TKFC: variants seen among roughly 807,000 people sequenced by gnomAD.
TKFC encodes triokinase/FMN cyclase.
TKFC carries 46 observed loss-of-function variants against 61.0 expected under a neutral mutation model. That is an observed-to-expected ratio of 0.75 (90% CI 0.60 to 0.96). The LOEUF (loss-of-function observed/expected upper bound fraction) is 0.96, where lower values mean the gene tolerates loss of function less well. Ranked by LOEUF, TKFC falls within the 50% of genes least tolerant of loss-of-function variation. TKFC has a pLI of 0.00. For synonymous variants in TKFC, 314 were observed against 330.1 expected, an observed-to-expected ratio of 0.95 and a Z score of 0.53; for missense variants, 715 against 777.5, an observed-to-expected ratio of 0.92 and a Z score of 0.96.
Position 61,345,830 on chromosome 11 carries a change from C to T in TKFC, c.1486-27C>T, listed in dbSNP as rs751680058. 11 of 1,614,152 alleles carry T rather than the reference C, an allele frequency of 6.8e-6. No homozygotes were observed. The South Asian group carries it at 1.2e-4, about 18-fold the overall frequency. On this transcript the variant is annotated intron_variant, in intron 16 of 17. Coordinates refer to ENST00000394900, the MANE Select transcript of TKFC (RefSeq NM_015533.4). Reference sequence around the variant, plus strand: ...CACCCTCGGTTGCAGGGCCCGTGCTCAGCCCCCTTTCCTTCACCTTGTCCA... The same window carrying T: ...CACCCTCGGTTGCAGGGCCCGTGCTTAGCCCCCTTTCCTTCACCTTGTCCA...
At chr11:61,337,610 G>A (rs1856665339) in intron 2 of TKFC, among the ~76,000 whole-genome samples, 1 of 152,216 alleles carries the variant, frequency 6.6e-6, no homozygotes, top group Non-Finnish European at 1.5e-5. Context: ...CCTTTTGACA[G>A]AAGAAGGTGT....
Position 61,345,732 on chromosome 11 carries a change from G to T in TKFC, c.1472G>T (p.Gly491Val). ...AMQKYGKAAP[G>V]DRTMLDSLWA... is the part of the protein sequence containing the mutation. ...GCCAGGTATGGCAAGGCTGCTCCAG[G>T]GGACAGGACTATGGTATGTACTCAG... Residue 491 changes from glycine (G) to valine (V), a missense_variant, in exon 16 of 18, where the codon GGG becomes GTG. By Grantham distance (109) the Gly-to-Val change is moderately radical. Transcript: ENST00000394900. 1.9e-6 allele frequency: 3 copies of T among 1,614,260 alleles called. No individual in the cohort carries two copies. The highest frequency in any genetic ancestry group is 2.5e-6 in the Non-Finnish European group (3 of 1,180,056).
chr11:61,344,318 T>C, intron 13 of TKFC, 45 bp downstream of exon 13: 1 of 1,577,268 alleles, frequency 6.3e-7, no homozygotes, highest in South Asian at 1.1e-5. Flanking sequence ...CACAAAACCT[T>C]AGCCCCCCTT....
At chr11:61,350,636 C>T (rs535485276), downstream of TKFC, 27 of 626,250 alleles carry the variant, frequency 4.3e-5, no homozygotes, top group South Asian at 5.0e-4. Flanking sequence ...TCACCAGGCA[C>T]CCATCCCACT....
Position 61,341,468 on chromosome 11 carries a change from GC to G in TKFC, c.520del (p.Leu174TrpfsTer8). The G allele has an allele frequency of 6.4e-7, 1 of 1,555,050 alleles. No individual in the cohort carries two copies. The highest frequency in any genetic ancestry group is 8.7e-7 in the Non-Finnish European group (1 of 1,148,654). On this transcript the variant is annotated frameshift_variant, in exon 6 of 18. Coordinates refer to ENST00000394900, the MANE Select transcript of TKFC (RefSeq NM_015533.4). LOFTEE classifies it high-confidence loss of function. ...AGALAEAGVG[L>X]EEIAKQVNVV... The stretch of plus-strand genomic sequence containing the variant: ...GTGCTCTGGCTGAGGCTGGTGTGGG[GC>G]TGGAGGAGATCGCAAAGCAGGTGAA...
chr11:61,341,607 TC>T (rs936982343), intron 6 of TKFC, 93 bp downstream of exon 6: 7 of 1,416,122 alleles, frequency 4.9e-6, no homozygotes, highest in Admixed American at 2.0e-5. Context: ...CTAGCGGTGC[TC>T]CCCAGGTTAT....
In TKFC at chr11:61,341,435, G is replaced by C; in HGVS notation, c.487-1G>C. The C allele has an allele frequency of 1.9e-6, 3 of 1,553,180 alleles. No individual in the cohort carries two copies. The highest frequency in any genetic ancestry group is 2.6e-6 in the Non-Finnish European group (3 of 1,147,718). On this transcript the variant is annotated splice_acceptor_variant, in intron 5 of 17. Coordinates refer to ENST00000394900, the MANE Select transcript of TKFC (RefSeq NM_015533.4). LOFTEE classifies it high-confidence loss of function. ...GGGCTTTTACCTCTTTGTGGCTGCA[G>C]GTGGCAGGTGCTCTGGCTGAGGCTG...
In TKFC at chr11:61,347,014, G is replaced by C. The variant is rs1318872112; in HGVS notation, c.*511G>C. On this transcript the variant is annotated 3_prime_UTR_variant, in exon 18 of 18. Coordinates refer to ENST00000394900, the MANE Select transcript of TKFC (RefSeq NM_015533.4). ...AGGCATCATGACCCATCTTCTACCA[G>C]GCAGATCTTTATTACCTGAGCCCCT... The C allele has an allele frequency of 2.6e-5, 26 of 986,266 alleles. No homozygotes were observed. The highest frequency in any genetic ancestry group is 3.0e-5 in the Non-Finnish European group (25 of 830,646). 61.1% of individuals were successfully genotyped at this position (986,266 alleles called of 1,614,324 possible).
chr11:61,348,025 G>C lies in TKFC; in HGVS notation c.*1522G>C, dbSNP rs909670326. 1.0e-6 allele frequency: 1 copy of C among 985,418 alleles called. No individual in the cohort carries two copies. Among genetic ancestry groups the C allele is most frequent in the Non-Finnish European group, 1.2e-6 (1 of 829,982 alleles). The allele number at this position is 985,418 out of a possible 1,614,324, so 61.0% of individuals were successfully genotyped here. On this transcript the variant is annotated 3_prime_UTR_variant, in exon 18 of 18. Transcript: ENST00000394900. Reference sequence around the variant, plus strand: ...CTACTTGGCCCAAATTTGGCTGCAGGCTCCCCGAGTGCCTGGGCTTCTCTA... The same window carrying C: ...CTACTTGGCCCAAATTTGGCTGCAGCCTCCCCGAGTGCCTGGGCTTCTCTA...
chr11:61,337,718 G>T (rs1027079146), intron 2 of TKFC, among the ~76,000 whole-genome samples: 10 of 152,152 alleles, frequency 6.6e-5, no homozygotes, highest in Non-Finnish European at 1.5e-4. Flanking sequence ...TGAAGGTATG[G>T]TGCAAGACAC....
At position 61,344,359 on chromosome 11, in the gene TKFC, C is replaced by CTT. The variant is rs56214441; in HGVS notation, c.1240+106_1240+107dup. On this transcript the variant is annotated intron_variant, in intron 13 of 17. Coordinates refer to ENST00000394900, the MANE Select transcript of TKFC (RefSeq NM_015533.4). ...TGTTTCCCTGAAGGCAGGGACCTTC[C>CTT]TTTTTTTTTTTTTTTTTTTTTAAGA... 2.8e-3 allele frequency: 3,005 copies of CTT among 1,084,626 alleles called. 1 individual carries two copies. The highest frequency in any genetic ancestry group is 0.012 in the African/African-American group (635 of 53,640). The allele number at this position is 1,084,626 out of a possible 1,614,324, so 67.2% of individuals were successfully genotyped here. A position where few individuals can be genotyped will look rare whatever the true frequency, so the allele number is the denominator to read the frequency against.
chr11:61,350,610 C>A, downstream of TKFC: 1 of 689,874 alleles, frequency 1.4e-6, no homozygotes. Context: ...AAGACCTGCT[C>A]TGAGCACTCA....
intron 11 of TKFC, 26 bp from the exon 12 acceptor site, chr11:61,343,830 T>G: frequency 1.2e-6 from 2 of 1,601,080 alleles, no homozygotes; most frequent in Non-Finnish European, 1.7e-6. Flanking sequence ...CAGCCGTGTC[T>G]AAGAGAGTTA....
chr11:61,350,248 A>G, downstream of TKFC: 3 of 996,628 alleles, frequency 3.0e-6, no homozygotes, highest in East Asian at 2.6e-5. Flanking sequence ...GCGGCCGGAG[A>G]GGGCAGGCCA....
Position 61,333,274 on chromosome 11 carries a change from C to G in TKFC, c.-165C>G, listed in dbSNP as rs555893592. 3.8e-6 allele frequency: 1 copy of G among 264,726 alleles called. No individual in the cohort carries two copies. 16.4% of individuals were successfully genotyped at this position (264,726 alleles called of 1,614,324 possible). A position where few individuals can be genotyped will look rare whatever the true frequency, so the allele number is the denominator to read the frequency against. Reference sequence around the variant, plus strand: ...ATGAGAGCGCACGCTTCGGGGTCTCCGGGAAGTCGCGGCGCCTTCGGATGT... The same window carrying G: ...ATGAGAGCGCACGCTTCGGGGTCTCGGGGAAGTCGCGGCGCCTTCGGATGT... On this transcript the variant is annotated 5_prime_UTR_variant, in exon 1 of 18. Transcript: ENST00000394900.
chr11:61,339,015 T>G (rs1029195117), intron 3 of TKFC, 51 bp from the exon 4 acceptor site: 3 of 1,528,106 alleles, frequency 2.0e-6, no homozygotes, highest in African/African-American at 2.7e-5. Flanking sequence ...CCCCAGTGAC[T>G]ACAGGCGCGA....
chr11:61,337,347 T>C (rs549242747), intron 2 of TKFC, among the ~76,000 whole-genome samples: 48 of 152,328 alleles, frequency 3.2e-4, no homozygotes, highest in African/African-American at 1.1e-3. Context: ...AGTCTCATCA[T>C]GTTGCCCAGG....
In TKFC at chr11:61,338,071, T is replaced by G. The variant is rs1206032118; in HGVS notation, c.134T>G (p.Leu45Arg). 6.2e-7 allele frequency: 1 copy of G among 1,611,222 alleles called. No homozygotes were observed. Among genetic ancestry groups the G allele is most frequent in the Non-Finnish European group, 8.5e-7 (1 of 1,179,566 alleles). Residue 45 changes from leucine (L) to arginine (R), a missense_variant, in exon 3 of 18, where the codon CTC becomes CGC. Transcript: ENST00000394900. ...RVALRSDLDS[L>R]KGRVALLSGG... ...GCCCTCCGTTCTGACCTGGACAGCC[T>G]CAAGGGCCGGGTGGCACTGCTGTCG...
Position 61,346,597 on chromosome 11 carries a change from C to A in TKFC, c.*94C>A. The A allele has an allele frequency of 6.7e-7, 1 of 1,496,930 alleles. No individual in the cohort carries two copies. The highest frequency in any genetic ancestry group is 1.3e-5 in the South Asian group (1 of 75,652). 92.7% of individuals were successfully genotyped at this position (1,496,930 alleles called of 1,614,324 possible). On this transcript the variant is annotated 3_prime_UTR_variant, in exon 18 of 18. Coordinates refer to ENST00000394900, the MANE Select transcript of TKFC (RefSeq NM_015533.4). The surrounding 1 kb of genome is among the most constrained non-coding windows in gnomAD (Gnocchi z 4.1). ...TTCTGCCTTCCAACCCTCACCTTCCCCCGGCCTGGCCCCATTGGCCCACCC... is the reference window on the plus strand; with the variant it reads ...TTCTGCCTTCCAACCCTCACCTTCCACCGGCCTGGCCCCATTGGCCCACCC...
Sources: allele counts gnomAD v4.1 joint callset (sites outside exome capture counted in the v4.1 genomes callset), GRCh38; gene constraint gnomAD v4.1.1; non-coding constraint Gnocchi (gnomAD v3.1); transcripts MANE v1.5; gene names NCBI Gene and HGNC (gene_info 2026-07-23, HGNC 2026-07-21).